The following MASTL variants were observed in gnomAD, a reference collection of about 807,000 sequenced individuals.
The protein encoded by MASTL is serine/threonine-protein kinase greatwall.
A neutral mutation model predicts 82.5 loss-of-function variants in MASTL; 54 were observed. The ratio of observed to expected loss-of-function variants is 0.65; its 90% confidence interval spans 0.53 to 0.82. MASTL has a LOEUF of 0.82. MASTL is among the 40% of genes least tolerant of loss of function. MASTL has a pLI of 0.00. For missense variants in MASTL, 950 were observed against 1,047.8 expected, an observed-to-expected ratio of 0.91 and a Z score of 1.29; for synonymous variants, 323 against 368.9, an observed-to-expected ratio of 0.88 and a Z score of 1.43.
intron 4 of MASTL, among the ~76,000 whole-genome samples, chr10:27,163,914 AC>A (rs752334120): frequency 4.5e-4 from 67 of 150,208 alleles, no homozygotes; most frequent in Non-Finnish European, 9.0e-4. Flanking sequence ...ACAGGCGTGA[AC>A]CACCGCGCCC....
intron 9 of MASTL, among the ~76,000 whole-genome samples, chr10:27,179,889 A>T (rs1017845743): frequency 1.3e-5 from 2 of 152,220 alleles, no homozygotes; most frequent in African/African-American, 4.8e-5. Context: ...ATTGAGTAGT[A>T]GTCTGCCTAT....
chr10:27,170,891 A>G lies in MASTL; in HGVS notation c.1932A>G (p.Lys644=). ...TAGGTCCTCCTTTGGAGGTGCTGAA[A>G]ACGTTAGCCTCTAAAAGAAATGCTG... ...KMLGPPLEVL[K]TLASKRNAVA... Residue 644 remains lysine (K), a synonymous_variant, in exon 8 of 12, where the codon AAA becomes AAG. Transcript: ENST00000375940. 1.9e-6 allele frequency: 3 copies of G among 1,614,174 alleles called. No homozygotes were observed. The highest frequency in any genetic ancestry group is 2.2e-5 in the South Asian group (2 of 91,082).
At position 27,170,978 on chromosome 10, in the gene MASTL, G is replaced by A; in HGVS notation, c.2019G>A (p.Met673Ile). 1 of 1,614,032 alleles carries A rather than the reference G, an allele frequency of 6.2e-7. No individual in the cohort carries two copies. The highest frequency in any genetic ancestry group is 8.5e-7 in the Non-Finnish European group (1 of 1,179,950). The part of the protein sequence containing the change: ...NASNNSEPSR[M>I]NMTSLDAMDI... Reference sequence around the variant, plus strand: ...CCAATAACTCAGAACCATCCAGAATGAACATGACTTCTTTAGATGCAATGG... The same window carrying A: ...CCAATAACTCAGAACCATCCAGAATAAACATGACTTCTTTAGATGCAATGG... The change falls in exon 8 of 12, where the codon ATG becomes ATA. Residue 673 changes from methionine (M) to isoleucine (I), a missense_variant. Met to Ile is a conservative substitution (Grantham distance 10). Coordinates refer to ENST00000375940, the MANE Select transcript of MASTL (RefSeq NM_001172303.3).
At chr10:27,178,517 T>A (rs931590577) in intron 9 of MASTL, among the ~76,000 whole-genome samples, 2 of 151,820 alleles carry the variant, frequency 1.3e-5, no homozygotes, top group African/African-American at 4.8e-5. Flanking sequence ...ACTAAAGAAA[T>A]GAGTTTTGAA....
At chr10:27,174,706 C>A (rs2058050304) in intron 9 of MASTL, among the ~76,000 whole-genome samples, 1 of 152,118 alleles carries the variant, frequency 6.6e-6, no homozygotes, top group African/African-American at 2.4e-5. Context: ...GGTGTTCTCC[C>A]TGTGTCTCTA....
chr10:27,170,662 A>G lies in MASTL; in HGVS notation c.1703A>G (p.Asn568Ser). Residue 568 changes from asparagine (N) to serine (S), a missense_variant, in exon 8 of 12, where the codon AAC becomes AGC. Transcript: ENST00000375940. ...DDRASKNISMNSDSSFPGISI... is the reference protein window; with the variant it reads ...DDRASKNISMSSDSSFPGISI... ...AGAGCTTCTAAAAATATTTCTATGA[A>G]CTCTGATTCATCTTTTCCTGGAATT... The G allele has an allele frequency of 6.2e-7, 1 of 1,610,768 alleles. No homozygotes were observed. Among genetic ancestry groups the G allele is most frequent in the Non-Finnish European group, 8.5e-7 (1 of 1,179,164 alleles).
chr10:27,155,612 GGT>G lies in MASTL; in HGVS notation c.186+1_186+2del. 1 of 1,614,162 alleles carries G rather than the reference GGT, an allele frequency of 6.2e-7. No individual in the cohort carries two copies. Among genetic ancestry groups the G allele is most frequent in the East Asian group, 2.2e-5 (1 of 44,882 alleles). On this transcript the variant is annotated splice_donor_variant, in intron 1 of 11. Coordinates refer to ENST00000375940, the MANE Select transcript of MASTL (RefSeq NM_001172303.3). LOFTEE classifies it high-confidence loss of function. ...AAGGCGGCAAATTGTATGCAGTAAA[GGT>G]AGGAAGTCAACGAGTAGCAAGGAAG...
chr10:27,156,704 C>T (rs570638311), intron 1 of MASTL, among the ~76,000 whole-genome samples: 308 of 150,882 alleles, frequency 2.0e-3, no homozygotes, highest in African/African-American at 7.3e-3. Context: ...TTGAATTTAG[C>T]CAGGTTGTTT....
chr10:27,181,851 G>C lies in MASTL; in HGVS notation c.2482+270G>C, dbSNP rs1227658895. On this transcript the variant is annotated intron_variant, in intron 11 of 11. Coordinates refer to ENST00000375940, the MANE Select transcript of MASTL (RefSeq NM_001172303.3). ...GCACTCTGGTAGGCCGAGGCAGGCG[G>C]ATCACGAGATCAGGAGATCGAGACC... Among the ~76,000 whole-genome samples the C allele has an allele frequency of 2.6e-5, 4 of 152,120 alleles. No homozygotes were observed. The East Asian group carries it at 7.7e-4, about 29-fold the overall frequency.
At chr10:27,172,768 C>T (rs564366141) in intron 8 of MASTL, among the ~76,000 whole-genome samples, 1 of 150,078 alleles carries the variant, frequency 6.7e-6, no homozygotes, top group African/African-American at 2.5e-5. Flanking sequence ...CATTTGTTAG[C>T]CATAGCCTTC....
At chr10:27,166,938 TGTGGACTAGATA>T (rs1806523791) in intron 6 of MASTL, among the ~76,000 whole-genome samples, 152 bp from the exon 7 acceptor site, 1 of 151,580 alleles carries the variant, frequency 6.6e-6, no homozygotes, top group Non-Finnish European at 1.5e-5. Flanking sequence ...CAGCTGTTCT[TGTGGACTAGATA>T]GTGTTTACAA....
Position 27,158,703 on chromosome 10 carries a change from T to A in MASTL, c.324+17T>A. The A allele has an allele frequency of 6.2e-7, 1 of 1,612,584 alleles. No homozygotes were observed. Among genetic ancestry groups the A allele is most frequent in the African/African-American group, 1.3e-5 (1 of 75,034 alleles). ...GTCTACTTGGTGAGTAAATAATTTTTATGTTGTTTCTTTATCCATTAAGCA... is the reference window on the plus strand; with the variant it reads ...GTCTACTTGGTGAGTAAATAATTTTAATGTTGTTTCTTTATCCATTAAGCA... On this transcript the variant is annotated intron_variant, in intron 2 of 11. Transcript: ENST00000375940.
chr10:27,179,972 A>G (rs1378708310), intron 9 of MASTL, among the ~76,000 whole-genome samples: 1 of 152,252 alleles, frequency 6.6e-6, no homozygotes, highest in East Asian at 1.9e-4. Context: ...AAATGAAAAA[A>G]ATGGCTTTAT....
intron 9 of MASTL, chr10:27,177,670 A>C (rs2058143253): frequency 5.8e-6 from 1 of 172,448 alleles, no homozygotes; most frequent in Non-Finnish European, 1.2e-5. Flanking sequence ...TTGGGAAAAG[A>C]GATTTTTCTT....
At chr10:27,158,986 G>C (rs1241076197) in intron 2 of MASTL, among the ~76,000 whole-genome samples, 1 of 152,188 alleles carries the variant, frequency 6.6e-6, no homozygotes, top group Non-Finnish European at 1.5e-5. Context: ...GATCACTTGA[G>C]GCCAAGAGTT....
chr10:27,160,971 A>T, intron 3 of MASTL, 123 bp from the exon 4 acceptor site: 1 of 704,964 alleles, frequency 1.4e-6, no homozygotes, highest in Non-Finnish European at 2.6e-6. Flanking sequence ...GCCATCAATG[A>T]GTATCTTTAT....
intron 4 of MASTL, among the ~76,000 whole-genome samples, chr10:27,162,315 A>AAT (rs2057595697): frequency 6.6e-6 from 1 of 152,278 alleles, no homozygotes; most frequent in Non-Finnish European, 1.5e-5. Flanking sequence ...ACTAGAAATT[A>AAT]CTTAAGTTCA....
At chr10:27,183,969 C>A (rs2058481316) in intron 11 of MASTL, among the ~76,000 whole-genome samples, 1 of 152,140 alleles carries the variant, frequency 6.6e-6, no homozygotes, top group African/African-American at 2.4e-5. Flanking sequence ...ACCTTGGCCT[C>A]CCTAAGTACT....
chr10:27,171,754 T>C (rs576888792), intron 8 of MASTL, among the ~76,000 whole-genome samples: 23 of 151,120 alleles, frequency 1.5e-4, no homozygotes, highest in African/African-American at 5.6e-4. Flanking sequence ...AAGTCCGCTC[T>C]ACCTTACTGC....
Sources: gnomAD v4.1 joint callset for allele counts (sites outside exome capture counted in the v4.1 genomes callset) on GRCh38, gnomAD v4.1.1 for gene constraint, MANE v1.5 for transcripts, NCBI Gene and HGNC (gene_info 2026-07-23, HGNC 2026-07-21) for gene names.